The following ATAD2B variants were observed in gnomAD, a reference collection of about 807,000 sequenced individuals.
ATAD2B encodes ATPase family AAA domain-containing protein 2B.
In ATAD2B, 40 loss-of-function variants were observed where a neutral mutation model predicts 167.6. The observed-to-expected ratio is 0.24, with a 90% CI of 0.19 to 0.31. The LOEUF (loss-of-function observed/expected upper bound fraction) is 0.31, where lower values mean the gene tolerates loss of function less well. Ranked by LOEUF, ATAD2B falls within the 10% of genes least tolerant of loss-of-function variation. The probability of loss-of-function intolerance (pLI) is 1.00; values close to 1 mark genes in which losing one functional copy is unlikely to be tolerated. For missense variants in ATAD2B, 1,242 were observed against 1,757.2 expected, an observed-to-expected ratio of 0.71 and a Z score of 5.24; for synonymous variants, 579 against 596.5, an observed-to-expected ratio of 0.97 and a Z score of 0.43.
intron 19 of ATAD2B, among the ~76,000 whole-genome samples, chr2:23,794,842 A>G (rs1306579260): frequency 6.6e-6 from 1 of 152,100 alleles, no homozygotes; most frequent in African/African-American, 2.4e-5. Flanking sequence ...TTTAATATGA[A>G]AAATAAAAAT....
At chr2:23,903,571 T>C (rs1701092446) in intron 1 of ATAD2B, among the ~76,000 whole-genome samples, 1 of 152,226 alleles carries the variant, frequency 6.6e-6, no homozygotes, top group African/African-American at 2.4e-5. Flanking sequence ...GTGACTATTA[T>C]TCTGTCATAA....
At chr2:23,712,005 G>A in the ATAD2B span, among the ~76,000 whole-genome samples, 1 of 152,184 alleles carries the variant, frequency 6.6e-6, no homozygotes, top group South Asian at 2.1e-4. Flanking sequence ...CCCGGTTATA[G>A]TTAGGCCATG....
chr2:23,783,995 T>C (rs1680438930), intron 21 of ATAD2B, among the ~76,000 whole-genome samples: 1 of 152,036 alleles, frequency 6.6e-6, no homozygotes, highest in African/African-American at 2.4e-5. Context: ...ATAAAAAATA[T>C]TAAGTAGAAG....
the ATAD2B span, chr2:23,691,993 C>A: frequency 2.0e-6 from 2 of 998,936 alleles, no homozygotes; most frequent in Non-Finnish European, 2.9e-6. Context: ...AGCTCCCTCA[C>A]ATGTGGCTGA....
the ATAD2B span, among the ~76,000 whole-genome samples, chr2:23,682,258 C>T: frequency 6.6e-6 from 1 of 152,346 alleles, no homozygotes; most frequent in Middle Eastern, 3.4e-3. This position sits in a 1 kb window ranked among gnomAD's most constrained non-coding sequence, Gnocchi z 4.1. Context: ...CTCCCACCCG[C>T]TGAGCGCTCC....
chr2:23,892,298 G>C (rs1699625808), intron 2 of ATAD2B, among the ~76,000 whole-genome samples: 1 of 152,062 alleles, frequency 6.6e-6, no homozygotes, highest in Non-Finnish European at 1.5e-5. Context: ...TGAGTAGCTG[G>C]AACTACAGGC....
chr2:23,877,599 T>G (rs561917868), intron 7 of ATAD2B, among the ~76,000 whole-genome samples: 30 of 146,190 alleles, frequency 2.1e-4, no homozygotes, highest in South Asian at 2.0e-3. Context: ...GGCCGGGCAC[T>G]GTGGCTCACA....
intron 8 of ATAD2B, chr2:23,872,797 T>C: frequency 2.1e-6 from 2 of 974,592 alleles, no homozygotes; most frequent in Admixed American, 1.7e-5. Flanking sequence ...CAATGGCATC[T>C]AGCACTGTCC....
chr2:23,781,336 A>T (rs1198769211), intron 22 of ATAD2B, among the ~76,000 whole-genome samples: 2 of 113,878 alleles, frequency 1.8e-5, no homozygotes, highest in African/African-American at 1.2e-4. Context: ...CCACAAAAAA[A>T]TAAATAAATA....
At chr2:23,729,107 C>T in the ATAD2B span, among the ~76,000 whole-genome samples, 11 of 152,304 alleles carry the variant, frequency 7.2e-5, no homozygotes, top group African/African-American at 2.6e-4. Flanking sequence ...GGATGTCTGT[C>T]CCCATGATCC....
At chr2:23,747,156 G>A (rs1293130549), downstream of ATAD2B, among the ~76,000 whole-genome samples, 49 of 151,902 alleles carry the variant, frequency 3.2e-4, no homozygotes, top group Admixed American at 3.2e-3. Flanking sequence ...TTCCTATAGG[G>A]AATACAGAAG....
At chr2:23,804,422 A>T (rs571278695) in intron 18 of ATAD2B, among the ~76,000 whole-genome samples, 2 of 152,304 alleles carry the variant, frequency 1.3e-5, no homozygotes, top group South Asian at 4.1e-4. Flanking sequence ...CTCTAGAGTA[A>T]GCTCGACTTC....
chr2:23,782,640 G>C (rs1259961669), intron 22 of ATAD2B, among the ~76,000 whole-genome samples: 1 of 152,114 alleles, frequency 6.6e-6, no homozygotes, highest in Admixed American at 6.6e-5. Flanking sequence ...AATATAAAAA[G>C]TAGAAGGTAA....
rs1204098256 is a variant in ATAD2B at position 23,751,272 on chromosome 2, C to A, written c.*774G>T. The A allele has an allele frequency of 6.6e-6, 1 of 152,054 alleles. No homozygotes were observed. Among genetic ancestry groups the A allele is most frequent in the East Asian group, 1.9e-4 (1 of 5,176 alleles). 9.4% of individuals were successfully genotyped at this position (152,054 alleles called of 1,614,324 possible). A position where few individuals can be genotyped will look rare whatever the true frequency, so the allele number is the denominator to read the frequency against. Reference sequence around the variant, plus strand: ...AAAACAGACCTTACAAGAAAACTTACCATTTTAGTATATTATGTGGCTTAC... The same window carrying A: ...AAAACAGACCTTACAAGAAAACTTAACATTTTAGTATATTATGTGGCTTAC... On this transcript the variant is annotated 3_prime_UTR_variant, in exon 28 of 28. Transcript: ENST00000238789.
chr2:23,924,168 C>G (rs1056200749), intron 1 of ATAD2B, among the ~76,000 whole-genome samples: 2 of 151,910 alleles, frequency 1.3e-5, no homozygotes, highest in Middle Eastern at 3.2e-3. Flanking sequence ...TGGGCTACAG[C>G]GAGACTCCGT....
chr2:23,764,141 A>G (rs1035725702), intron 23 of ATAD2B, among the ~76,000 whole-genome samples: 1 of 152,236 alleles, frequency 6.6e-6, no homozygotes, highest in African/African-American at 2.4e-5. Context: ...TGGGTCATAC[A>G]GTAAATCCAT....
At chr2:23,872,950 AAGC>A in intron 8 of ATAD2B, 1 of 754,352 alleles carries the variant, frequency 1.3e-6, no homozygotes, top group Non-Finnish European at 2.5e-6. Context: ...CCAGTCGCTG[AAGC>A]AGTTCTCCAG....
At chr2:23,836,143 T>A (rs1426237291) in intron 13 of ATAD2B, among the ~76,000 whole-genome samples, 1 of 152,210 alleles carries the variant, frequency 6.6e-6, no homozygotes, top group African/African-American at 2.4e-5. Flanking sequence ...AAGCCAGGCA[T>A]GGGGCAGCAA....
Position 23,857,404 on chromosome 2 carries a change from A to G in ATAD2B, c.1568+11T>C, listed in dbSNP as rs2712089. On this transcript the variant is annotated intron_variant, in intron 13 of 27. Transcript: ENST00000238789. ...AAAAGAAATCAAGATAATCAGATAA[A>G]GAAAAATTACCTGTGGATCTGATCT... 65,242 of 1,456,348 alleles carry G rather than the reference A, an allele frequency of 0.045. 1,867 individuals are homozygous for G. Among genetic ancestry groups the G allele is most frequent in the African/African-American group, 0.12 (8,539 of 68,448 alleles). The allele number at this position is 1,456,348 out of a possible 1,614,324, so 90.2% of individuals were successfully genotyped here.
Sources: gnomAD v4.1 joint callset for allele counts (sites outside exome capture counted in the v4.1 genomes callset) on GRCh38, gnomAD v4.1.1 for gene constraint, Gnocchi (gnomAD v3.1) non-coding constraint, MANE v1.5 for transcripts, NCBI Gene and HGNC (gene_info 2026-07-23, HGNC 2026-07-21) for gene names.